CCAR1: variants seen among roughly 807,000 people sequenced by gnomAD.
CCAR1 encodes the protein cell division cycle and apoptosis regulator protein 1.
Under a neutral mutation model 163.8 loss-of-function variants are expected in CCAR1, and 78 were observed. That is an observed-to-expected ratio of 0.48 (90% CI 0.40 to 0.57). The LOEUF (loss-of-function observed/expected upper bound fraction) is 0.57. CCAR1 is among the 20% of genes least tolerant of loss of function. The pLI is 0.00. For synonymous variants in CCAR1, 443 were observed against 460.7 expected (o/e 0.96, Z 0.49); for missense variants, 1,019 against 1,365.2 (o/e 0.75, Z 4.00).
chr10:68,749,765 C>A, intron 10 of CCAR1, 80 bp downstream of exon 10: 2 of 1,257,628 alleles, frequency 1.6e-6, no homozygotes, highest in Non-Finnish European at 2.2e-6. Flanking sequence ...AGGTATTTTT[C>A]TTGCAAGATT....
chr10:68,738,437 AT>A (rs1358234262), intron 4 of CCAR1, among the ~76,000 whole-genome samples: 1 of 152,124 alleles, frequency 6.6e-6, no homozygotes, highest in Non-Finnish European at 1.5e-5. Flanking sequence ...TCAAAAAAAA[AT>A]AAAAAAGTAT....
chr10:68,729,561 G>A (rs1326844478), intron 2 of CCAR1, among the ~76,000 whole-genome samples: 1 of 151,822 alleles, frequency 6.6e-6, no homozygotes, highest in African/African-American at 2.4e-5. Flanking sequence ...GAGCCACCGC[G>A]CCCGGCTCTT....
In CCAR1 at chr10:68,749,265, G is replaced by C; in HGVS notation, c.956G>C (p.Ser319Thr). Residue 319 changes from serine (S) to threonine (T), a missense_variant and splice_region_variant, in exon 9 of 25, where the codon AGT becomes ACT. Ser to Thr is a moderately conservative substitution (Grantham distance 58, BLOSUM62 1). Around this residue, in one of 4 missense-constraint regions of CCAR1, gnomAD observed 644 missense variants for 904.4 expected, o/e 0.71. Transcript: ENST00000265872. Reference protein sequence around the residue: ...DQVPNRKDDRSRERERERRRS... With the variant: ...DQVPNRKDDRTRERERERRRS... ...GTGCCTAACAGAAAAGATGATCGAA[G>C]GTATATTTTCTAAAGTGTACTGTGG... The C allele has an allele frequency of 6.2e-7, 1 of 1,606,260 alleles. No individual in the cohort carries two copies. Among genetic ancestry groups the C allele is most frequent in the Non-Finnish European group, 8.5e-7 (1 of 1,177,752 alleles).
At chr10:68,782,606 T>C (rs2056749795) in intron 19 of CCAR1, among the ~76,000 whole-genome samples, 1 of 152,174 alleles carries the variant, frequency 6.6e-6, no homozygotes, top group South Asian at 2.1e-4. Context: ...AAAGGACAAG[T>C]TGACTTTCTT....
chr10:68,762,851 G>A (rs2056490459), intron 16 of CCAR1, among the ~76,000 whole-genome samples: 1 of 151,906 alleles, frequency 6.6e-6, no homozygotes, highest in African/African-American at 2.4e-5. Flanking sequence ...AGAAAGAAGT[G>A]GTTAAAGGGA....
intron 19 of CCAR1, chr10:68,774,912 T>C (rs561121738): frequency 4.2e-5 from 16 of 381,872 alleles, no homozygotes; most frequent in East Asian, 1.8e-4. Flanking sequence ...TTTTCTGATA[T>C]AGAAAATTAT....
chr10:68,745,927 G>C (rs1589163175), intron 6 of CCAR1, among the ~76,000 whole-genome samples: 1 of 151,974 alleles, frequency 6.6e-6, no homozygotes, highest in East Asian at 1.9e-4. Context: ...ATGAACCACT[G>C]TACCTGGCCA....
intron 16 of CCAR1, among the ~76,000 whole-genome samples, chr10:68,761,411 A>G (rs374607180): frequency 6.6e-6 from 1 of 152,066 alleles, no homozygotes; most frequent in Admixed American, 6.6e-5. Context: ...GGTTCAAGCT[A>G]TTCTCCTGCC....
chr10:68,771,110 CGTT>C (rs2056597274), intron 17 of CCAR1, 93 bp from the exon 18 acceptor site: 1 of 1,041,348 alleles, frequency 9.6e-7, no homozygotes, highest in East Asian at 2.5e-5. Context: ...TTTACATAAT[CGTT>C]GTATGTGGCA....
intron 2 of CCAR1, among the ~76,000 whole-genome samples, chr10:68,732,297 C>T (rs754289556): frequency 3.9e-5 from 6 of 152,014 alleles, no homozygotes; most frequent in Non-Finnish European, 8.8e-5. Context: ...GCGTCTTGTT[C>T]CTATTTACAT....
intron 4 of CCAR1, among the ~76,000 whole-genome samples, chr10:68,738,816 G>A (rs1395251301): frequency 6.6e-6 from 1 of 152,064 alleles, no homozygotes; most frequent in African/African-American, 2.4e-5. Flanking sequence ...GGAGGCCAAG[G>A]CGGGCGGATC....
At chr10:68,737,770 T>C (rs1285092410) in intron 3 of CCAR1, 75 bp from the exon 4 acceptor site, 6 of 771,168 alleles carry the variant, frequency 7.8e-6, no homozygotes, top group Non-Finnish European at 1.3e-5. Flanking sequence ...TGTATTTCTA[T>C]GTATATCACT....
intron 15 of CCAR1, among the ~76,000 whole-genome samples, chr10:68,758,661 ATG>A (rs2056429926): frequency 2.4e-4 from 4 of 16,558 alleles, no homozygotes; most frequent in African/African-American, 3.3e-4. Flanking sequence ...ATATATATAT[ATG>A]TATATATACA....
intron 17 of CCAR1, among the ~76,000 whole-genome samples, chr10:68,768,603 T>G (rs2056563779): frequency 6.6e-6 from 1 of 152,102 alleles, no homozygotes; most frequent in Non-Finnish European, 1.5e-5. Context: ...AGAGCGAGAC[T>G]TTGTCTCAAA....
Position 68,765,962 on chromosome 10 carries a change from G to A in CCAR1, c.2181G>A (p.Pro727=), listed in dbSNP as rs149316365. Residue 727 remains proline, a synonymous_variant, in exon 17 of 25, where the codon CCG becomes CCA. Transcript: ENST00000265872. ...GAAGATATATTTTGCCTGATGAACC[G>A]GCCATCATTGTACATCCAAATTGGG... ...RERRYILPDE[P]AIIVHPNWAA... 22 of 1,613,792 alleles carry A rather than the reference G, an allele frequency of 1.4e-5. No homozygotes were observed. The highest frequency in any genetic ancestry group is 1.2e-4 in the Admixed American group (7 of 59,968).
At chr10:68,772,757 CA>C (rs33999647) in intron 18 of CCAR1, among the ~76,000 whole-genome samples, 20,474 of 117,644 alleles carry the variant, frequency 0.17, 1,845 homozygotes, top group African/African-American at 0.3. Context: ...GACTCCATCT[CA>C]AAAAAAAAAA....
At chr10:68,790,729 C>T (rs539261282) in intron 24 of CCAR1, among the ~76,000 whole-genome samples, 14 of 151,976 alleles carry the variant, frequency 9.2e-5, no homozygotes, top group African/African-American at 3.1e-4. Flanking sequence ...GGGTTTCAGA[C>T]CGGGCGCGGT....
At chr10:68,736,392 A>ATTACAC (rs2056110842) in intron 2 of CCAR1, among the ~76,000 whole-genome samples, 1 of 152,062 alleles carries the variant, frequency 6.6e-6, no homozygotes, top group African/African-American at 2.4e-5. Context: ...TTACATATAT[A>ATTACAC]ATGTATTGTT....
chr10:68,765,748 GT>G lies in CCAR1; in HGVS notation c.2107-137del, dbSNP rs576592199. Reference sequence around the variant, plus strand: ...CTTTCCTCCCTTCTCAACGCTTATGGTTTGTATAAGTACCATGAAGAGTCAT... The same window carrying G: ...CTTTCCTCCCTTCTCAACGCTTATGGTTGTATAAGTACCATGAAGAGTCAT... On this transcript the variant is annotated intron_variant, in intron 16 of 24. Transcript: ENST00000265872. 89 of 576,100 alleles carry G rather than the reference GT, an allele frequency of 1.5e-4. No homozygotes were observed. In the African/African-American group the frequency reaches 1.6e-3, roughly 10 times the overall value. 35.7% of individuals were successfully genotyped at this position (576,100 alleles called of 1,614,324 possible). A position where few individuals can be genotyped will look rare whatever the true frequency, so the allele number is the denominator to read the frequency against.
Sources: gnomAD v4.1 joint callset for allele counts (sites outside exome capture counted in the v4.1 genomes callset) on GRCh38, gnomAD v4.1.1 for gene constraint, gnomAD v4.1.1 regional missense constraint, MANE v1.5 for transcripts, NCBI Gene and HGNC (gene_info 2026-07-23, HGNC 2026-07-21) for gene names.